Variants in DOT1L observed in about 807,000 individuals in gnomAD.
DOT1L encodes DOT1 like histone lysine methyltransferase.
Under a neutral mutation model 153.3 loss-of-function variants are expected in DOT1L, and 33 were observed. That is an observed-to-expected ratio of 0.22 (90% CI 0.16 to 0.29). The LOEUF (loss-of-function observed/expected upper bound fraction) is 0.29, where lower values mean the gene tolerates loss of function less well. Ranked by LOEUF, DOT1L falls within the 10% of genes least tolerant of loss-of-function variation. The probability of loss-of-function intolerance (pLI) is 1.00; values close to 1 mark genes in which losing one functional copy is unlikely to be tolerated. For missense variants in DOT1L, 1,847 were observed against 2,119.9 expected (o/e 0.87, Z 2.53); for synonymous variants, 1,135 against 965.1 (o/e 1.18, Z -3.26).
At chr19:2,170,747 G>A (rs563909672) in intron 1 of DOT1L, among the ~76,000 whole-genome samples, 2 of 152,098 alleles carry the variant, frequency 1.3e-5, no homozygotes, top group African/African-American at 2.4e-5. Context: ...CAGAACTCCC[G>A]AGAAACACTT....
chr19:2,215,101 A>G (rs7246186), intron 19 of DOT1L, among the ~76,000 whole-genome samples: 81,473 of 151,588 alleles, frequency 0.54, 23,789 homozygotes, highest in Non-Finnish European at 0.66. Context: ...CTATAGTCCC[A>G]GCTCCCAGGG....
rs1347827286 is a variant in DOT1L, at chr19:2,220,290, G to A, written c.2806+68G>A. 2 of 1,495,778 alleles carry A rather than the reference G, an allele frequency of 1.3e-6. No individual in the cohort carries two copies. The highest frequency in any genetic ancestry group is 1.8e-6 in the Non-Finnish European group (2 of 1,098,114). 92.7% of individuals were successfully genotyped at this position (1,495,778 alleles called of 1,614,324 possible). ...CTGCTGCTCTTCAGGCAGGAGGGCT[G>A]GGTTGCTGGGAGTGGAACAGGGCTT... On this transcript the variant is annotated intron_variant, in intron 23 of 27. Transcript: ENST00000398665. The surrounding 1 kb of genome is among the most constrained non-coding windows in gnomAD (Gnocchi z 4.5).
chr19:2,165,419 C>T (rs945183984), intron 1 of DOT1L, among the ~76,000 whole-genome samples: 2 of 152,208 alleles, frequency 1.3e-5, no homozygotes, highest in Non-Finnish European at 2.9e-5. Context: ...AGCGCAGCTT[C>T]CAGCCTGGCC....
intron 27 of DOT1L, chr19:2,227,804 T>C (rs774382676): frequency 1.5e-6 from 2 of 1,306,628 alleles, no homozygotes; most frequent in Non-Finnish European, 2.0e-6. Context: ...GCCGCGGGGC[T>C]GCATGTGGCA....
At position 2,227,972 on chromosome 19, in the gene DOT1L, G is replaced by T. The variant is rs990269962; in HGVS notation, c.4606+845G>T. ...CGCACCTGGGCCGGTCCCCCGCGGG[G>T]CCGCCCGTCCTCCACGCCCCCCCTC... is the stretch of plus-strand genomic sequence containing the variant. On this transcript the variant is annotated intron_variant, in intron 27 of 27. Transcript: ENST00000398665. 4.7e-6 allele frequency: 6 copies of T among 1,267,184 alleles called. No homozygotes were observed. The African/African-American group carries it at 7.8e-5, about 16-fold the overall frequency. 78.5% of individuals were successfully genotyped at this position (1,267,184 alleles called of 1,614,324 possible).
rs1337976045 is a variant in DOT1L at position 2,204,066 on chromosome 19, A to G, written c.787+1287A>G. On this transcript the variant is annotated intron_variant, in intron 9 of 27. Transcript: ENST00000398665. This position sits in a 1 kb window ranked among gnomAD's most constrained non-coding sequence, Gnocchi z 5.7. ...CTGCCTTCAGCACCAACGCCCCACA[A>G]CCTGGGGGTTTGGAGGGTGCTTGTG... 1.3e-5 allele frequency among the ~76,000 whole-genome samples: 2 copies of G among 152,022 alleles called. No individual in the cohort carries two copies. The highest frequency in any genetic ancestry group is 1.9e-4 in the East Asian group (1 of 5,148).
chr19:2,221,498 G>A (rs1331983716), intron 23 of DOT1L: 1 of 162,350 alleles, frequency 6.2e-6, no homozygotes, highest in Non-Finnish European at 1.3e-5. Flanking sequence ...GGTCATGGAA[G>A]TGCACCACTC....
intron 1 of DOT1L, among the ~76,000 whole-genome samples, chr19:2,173,786 C>G (rs1282080332): frequency 6.6e-6 from 1 of 152,190 alleles, no homozygotes; most frequent in East Asian, 1.9e-4. Flanking sequence ...CTACGCACTT[C>G]AAGACGGGGT....
In DOT1L at chr19:2,208,291, A is replaced by G. The variant is rs551804491; in HGVS notation, c.963+611A>G. On this transcript the variant is annotated intron_variant, in intron 11 of 27. Coordinates refer to ENST00000398665, the MANE Select transcript of DOT1L (RefSeq NM_032482.3). The surrounding 1 kb of genome is among the most constrained non-coding windows in gnomAD (Gnocchi z 4.4). ...TCTCTTTCCCGTCCTTTGGTTGGGC[A>G]CTCTGTTCCTGTTGTTGGGGTAGCG... Among the ~76,000 whole-genome samples, 8 of 151,232 alleles carry G rather than the reference A, an allele frequency of 5.3e-5. No individual in the cohort carries two copies. In the South Asian group the frequency reaches 1.7e-3, roughly 32 times the overall value.
Position 2,220,059 on chromosome 19 carries a change from T to C in DOT1L, c.2692-49T>C. The C allele has an allele frequency of 1.3e-6, 2 of 1,529,784 alleles. No individual in the cohort carries two copies. Among genetic ancestry groups the C allele is most frequent in the Non-Finnish European group, 1.8e-6 (2 of 1,124,554 alleles). The allele number at this position is 1,529,784 out of a possible 1,614,324, so 94.8% of individuals were successfully genotyped here. ...TCACTGTTTCCAGCTGGGTTCTGGGTCTCCTGGGGCACCTGCTGCCCCTGA... is the reference window on the plus strand; with the variant it reads ...TCACTGTTTCCAGCTGGGTTCTGGGCCTCCTGGGGCACCTGCTGCCCCTGA... On this transcript the variant is annotated intron_variant, in intron 22 of 27. Transcript: ENST00000398665. This position sits in a 1 kb window ranked among gnomAD's most constrained non-coding sequence, Gnocchi z 4.5.
At chr19:2,210,935 C>A (rs1489374116) in intron 14 of DOT1L, 80 bp downstream of exon 14, 2 of 1,538,520 alleles carry the variant, frequency 1.3e-6, no homozygotes, top group South Asian at 2.3e-5. Context: ...CGCTGCCCTC[C>A]TGAGCCCCGT....
At chr19:2,201,691 G>A (rs1286886457) in intron 8 of DOT1L, among the ~76,000 whole-genome samples, 1 of 152,222 alleles carries the variant, frequency 6.6e-6, no homozygotes, top group Non-Finnish European at 1.5e-5. Context: ...GCAGTGGTCA[G>A]GCCGTGATTA....
At position 2,217,297 on chromosome 19, in the gene DOT1L, G is replaced by T. The variant is rs1450368671; in HGVS notation, c.2544+207G>T. 6.6e-6 allele frequency among the ~76,000 whole-genome samples: 1 copy of T among 152,196 alleles called. No individual in the cohort carries two copies. The highest frequency in any genetic ancestry group is 1.5e-5 in the Non-Finnish European group (1 of 68,026). ...GTTGGGCAGGTGCCATGGAGGACATGGGGTTTGTCAGGGTGTCCCTGATGC... is the reference window on the plus strand; with the variant it reads ...GTTGGGCAGGTGCCATGGAGGACATTGGGTTTGTCAGGGTGTCCCTGATGC... On this transcript the variant is annotated intron_variant, in intron 21 of 27. Coordinates refer to ENST00000398665, the MANE Select transcript of DOT1L (RefSeq NM_032482.3). This position sits in a 1 kb window ranked among gnomAD's most constrained non-coding sequence, Gnocchi z 7.3.
chr19:2,187,050 A>G (rs2022543850), intron 3 of DOT1L, among the ~76,000 whole-genome samples: 1 of 152,076 alleles, frequency 6.6e-6, no homozygotes, highest in South Asian at 2.1e-4. Flanking sequence ...CTTCTCGGAG[A>G]CTTGCTTGAT....
At chr19:2,189,227 G>A (rs1329187411) in intron 3 of DOT1L, among the ~76,000 whole-genome samples, 1 of 152,214 alleles carries the variant, frequency 6.6e-6, no homozygotes, top group African/African-American at 2.4e-5. Flanking sequence ...TGGGGGTGAG[G>A]CATCTTCCTT....
intron 6 of DOT1L, among the ~76,000 whole-genome samples, chr19:2,194,008 G>C (rs551051245): frequency 1.3e-5 from 2 of 152,322 alleles, no homozygotes; most frequent in South Asian, 4.1e-4. Context: ...AAGCGCTGCA[G>C]GGGTGTCTCG....
intron 1 of DOT1L, among the ~76,000 whole-genome samples, chr19:2,172,988 A>T (rs2144666267): frequency 6.6e-6 from 1 of 152,148 alleles, no homozygotes; most frequent in African/African-American, 2.4e-5. Flanking sequence ...AAAAAAAAAA[A>T]AAAGTTCACC....
chr19:2,227,863 C>T (rs1373137926), intron 27 of DOT1L: 3 of 1,281,668 alleles, frequency 2.3e-6, no homozygotes, highest in East Asian at 6.0e-5. Flanking sequence ...AGCGCCTCGG[C>T]CTCTTCCTTT....
In DOT1L at chr19:2,199,849, C is replaced by T. The variant is rs201786007; in HGVS notation, c.652-35C>T. 162 of 1,607,708 alleles carry T rather than the reference C, an allele frequency of 1.0e-4. 1 individual carries two copies. The highest frequency in any genetic ancestry group is 5.1e-4 in the East Asian group (23 of 44,712). The stretch of plus-strand genomic sequence containing the variant: ...GGCGGGCTGGGAGTGCCAGGGAGGC[C>T]GGGGGTCCGCGCTCACACCTGTTTT... On this transcript the variant is annotated intron_variant, in intron 7 of 27. Transcript: ENST00000398665.
Sources: allele counts gnomAD v4.1 joint callset (sites outside exome capture counted in the v4.1 genomes callset), GRCh38; gene constraint gnomAD v4.1.1; non-coding constraint Gnocchi (gnomAD v3.1); transcripts MANE v1.5; gene names NCBI Gene and HGNC (gene_info 2026-07-23, HGNC 2026-07-21).